The following UFD1 variants were observed in gnomAD, a reference collection of about 807,000 sequenced individuals.
The protein encoded by UFD1 is ubiquitin recognition factor in ER-associated degradation protein 1.
A neutral mutation model predicts 45.9 loss-of-function variants in UFD1; 13 were observed. That is an observed-to-expected ratio of 0.28 (90% confidence interval 0.18 to 0.45). UFD1 has a LOEUF of 0.45. Ranked by LOEUF, UFD1 falls within the 20% of genes least tolerant of loss-of-function variation. UFD1 has a pLI of 1.00. For missense variants in UFD1, 218 were observed against 389.2 expected (o/e 0.56, Z 3.70); for synonymous variants, 128 against 139.2 (o/e 0.92, Z 0.56).
intron 10 of UFD1, among the ~76,000 whole-genome samples, chr22:19,455,092 T>C (rs2089712875): frequency 6.6e-6 from 1 of 152,152 alleles, no homozygotes; most frequent in Non-Finnish European, 1.5e-5. Context: ...AAGCCCTCAC[T>C]GTCACTGTCC....
chr22:19,454,242 C>T, intron 11 of UFD1: 1 of 993,800 alleles, frequency 1.0e-6, no homozygotes, highest in African/African-American at 1.7e-5. Context: ...CAGAAAAAAA[C>T]AGGACACCAG....
intron 6 of UFD1, among the ~76,000 whole-genome samples, chr22:19,464,108 C>A (rs2089785508): frequency 6.6e-6 from 1 of 152,134 alleles, no homozygotes; most frequent in Non-Finnish European, 1.5e-5. Flanking sequence ...TGATTCGAAA[C>A]CCAAGGAACT....
At chr22:19,461,437 C>T (rs573545078) in intron 6 of UFD1, among the ~76,000 whole-genome samples, 5 of 152,352 alleles carry the variant, frequency 3.3e-5, no homozygotes, top group Non-Finnish European at 7.3e-5. Context: ...GCCTACTTGT[C>T]TACTCCAGAA....
At chr22:19,466,200 G>A (rs909542761) in intron 5 of UFD1, 3 of 152,216 alleles carry the variant, frequency 2.0e-5, no homozygotes, top group African/African-American at 4.8e-5. Context: ...GAAGTGCCAC[G>A]GTACGAAGTG....
chr22:19,478,944 G>A, intron 1 of UFD1, 139 bp downstream of exon 1: 3 of 1,202,192 alleles, frequency 2.5e-6, no homozygotes, highest in South Asian at 3.2e-5. Flanking sequence ...GCCCGGTGCG[G>A]CCGATGAGCC....
At chr22:19,454,989 C>CT (rs1252234206) in intron 10 of UFD1, among the ~76,000 whole-genome samples, 159 bp from the exon 11 acceptor site, 4 of 152,156 alleles carry the variant, frequency 2.6e-5, no homozygotes, top group African/African-American at 9.7e-5. Flanking sequence ...CAGAAAGTAA[C>CT]TGACTTCTTG....
rs562569204 is a variant in UFD1 at position 19,478,676 on chromosome 22, T to C, written c.3+407A>G. ...ACGGAGCTGGGGCAAGAGCTGGGTGTCCCCCAAGAGCGGGGGATGCCCACT... is the reference window on the plus strand; with the variant it reads ...ACGGAGCTGGGGCAAGAGCTGGGTGCCCCCCAAGAGCGGGGGATGCCCACT... On this transcript the variant is annotated intron_variant, in intron 1 of 11. Transcript: ENST00000263202. 2.9e-5 allele frequency: 4 copies of C among 137,234 alleles called. No individual in the cohort carries two copies. In the Admixed American group the frequency reaches 7.5e-4, roughly 26 times the overall value. The allele number at this position is 137,234 out of a possible 1,614,324, so 8.5% of individuals were successfully genotyped here.
At chr22:19,467,515 T>G in intron 5 of UFD1, 2 of 218,986 alleles carry the variant, frequency 9.1e-6, no homozygotes, top group Non-Finnish European at 1.8e-5. Flanking sequence ...TGGGCGGAGG[T>G]ACTAGGGAGC....
In UFD1 at chr22:19,450,310, GA is replaced by G. The variant is rs2089670892; in HGVS notation, c.*359del. 5.3e-6 allele frequency: 1 copy of G among 189,712 alleles called. No individual in the cohort carries two copies. Among genetic ancestry groups the G allele is most frequent in the African/African-American group, 2.3e-5 (1 of 42,770 alleles). The allele number at this position is 189,712 out of a possible 1,614,324, so 11.8% of individuals were successfully genotyped here. ...GAAAGGATAAATGAAGAAAAAGAAA[GA>G]ACACTTCATGTTAGACAATTTAGTC... is the stretch of plus-strand genomic sequence containing the variant. On this transcript the variant is annotated 3_prime_UTR_variant, in exon 12 of 12. Coordinates refer to ENST00000263202, the MANE Select transcript of UFD1 (RefSeq NM_005659.7).
At chr22:19,476,027 A>T (rs2089878674) in intron 1 of UFD1, among the ~76,000 whole-genome samples, 1 of 152,212 alleles carries the variant, frequency 6.6e-6, no homozygotes. Context: ...TCTGTCCACT[A>T]ACAAAATAGA....
intron 3 of UFD1, among the ~76,000 whole-genome samples, chr22:19,474,439 G>A (rs897191015): frequency 9.9e-5 from 15 of 152,092 alleles, no homozygotes; most frequent in Admixed American, 2.0e-4. Context: ...CCAGCTACTC[G>A]GGAGGCTGAG....
intron 6 of UFD1, 139 bp from the exon 7 acceptor site, chr22:19,458,278 T>C: frequency 1.2e-6 from 1 of 846,444 alleles, no homozygotes. Context: ...GCTGCACTTC[T>C]TGCTGTGACA....
intron 6 of UFD1, among the ~76,000 whole-genome samples, chr22:19,460,281 T>C (rs1377648286): frequency 6.6e-6 from 1 of 152,208 alleles, no homozygotes; most frequent in Non-Finnish European, 1.5e-5. Context: ...TCCTAGGGCT[T>C]GGCTCATGCT....
chr22:19,469,295 G>A (rs117752517), intron 4 of UFD1, among the ~76,000 whole-genome samples: 1,744 of 152,288 alleles, frequency 0.011, 17 homozygotes, highest in Non-Finnish European at 0.018. Context: ...TGTCAGCGAG[G>A]GGAAGGATAC....
At chr22:19,456,496 C>A in intron 9 of UFD1, 91 bp downstream of exon 9, 1 of 1,556,150 alleles carries the variant, frequency 6.4e-7, no homozygotes, top group South Asian at 1.1e-5. Flanking sequence ...TGCTGATGTC[C>A]ATCGAGCATC....
chr22:19,475,668 C>T, intron 1 of UFD1, 66 bp from the exon 2 acceptor site: 2 of 1,559,106 alleles, frequency 1.3e-6, no homozygotes, highest in Non-Finnish European at 1.8e-6. Flanking sequence ...AAAGCCAAAA[C>T]ATGTCAGAGT....
chr22:19,472,204 G>A (rs1010771400), intron 3 of UFD1, among the ~76,000 whole-genome samples: 3 of 152,200 alleles, frequency 2.0e-5, no homozygotes, highest in Non-Finnish European at 4.4e-5. Context: ...GGAGGGGGCA[G>A]AGCTACTGGG....
chr22:19,462,928 C>T (rs1351742570), intron 6 of UFD1, among the ~76,000 whole-genome samples: 1 of 152,148 alleles, frequency 6.6e-6, no homozygotes, highest in Admixed American at 6.5e-5. Flanking sequence ...TTTCACTTTG[C>T]CCTTATTCTT....
At chr22:19,464,494 T>C (rs1365264472) in intron 6 of UFD1, among the ~76,000 whole-genome samples, 1 of 152,266 alleles carries the variant, frequency 6.6e-6, no homozygotes, top group African/African-American at 2.4e-5. Context: ...CCATAGGTAA[T>C]AGGAAAGTGA....
Sources: gnomAD v4.1 joint callset for allele counts (sites outside exome capture counted in the v4.1 genomes callset) on GRCh38, gnomAD v4.1.1 for gene constraint, MANE v1.5 for transcripts, NCBI Gene and HGNC (gene_info 2026-07-23, HGNC 2026-07-21) for gene names.